The following DOCK5 variants were observed in gnomAD, a reference collection of about 807,000 sequenced individuals.
The protein encoded by DOCK5 is dedicator of cytokinesis 5.
A neutral mutation model predicts 251.8 loss-of-function variants in DOCK5; 142 were observed. That is an observed-to-expected ratio of 0.56 (90% CI 0.49 to 0.65). The LOEUF is 0.65. Among genes scored for constraint, DOCK5 ranks in the 30% least tolerant of loss-of-function variants. DOCK5 has a pLI of 0.00. For synonymous variants in DOCK5, 842 were observed against 835.5 expected (o/e 1.01, Z -0.13); for missense variants, 2,111 against 2,312.3 (o/e 0.91, Z 1.79).
Position 25,368,670 on chromosome 8 carries a change from T to A in DOCK5, c.3383T>A (p.Phe1128Tyr). 1 of 1,613,926 alleles carries A rather than the reference T, an allele frequency of 6.2e-7. No individual in the cohort carries two copies. The highest frequency in any genetic ancestry group is 8.5e-7 in the Non-Finnish European group (1 of 1,179,858). The change falls in exon 33 of 52, where the codon TTC (phenylalanine) becomes TAC (tyrosine). Residue 1128 changes from phenylalanine to tyrosine, a missense_variant. Physicochemically the swap from Phe to Tyr is conservative, Grantham distance 22. Around this residue, in one of 3 missense-constraint regions of DOCK5, gnomAD observed 1,717 missense variants for 1,892.4 expected, o/e 0.91. Coordinates refer to ENST00000276440, the MANE Select transcript of DOCK5 (RefSeq NM_024940.8). ...CTCCGGAAAGCCACAATCCCCATTT[T>A]CTTTGATATGATGCAGTGTGAGTTC... ...VELRKATIPI[F>Y]FDMMQCEFNF... is the part of the protein sequence containing the mutation.
chr8:25,280,625 A>G (rs767668065), intron 5 of DOCK5, among the ~76,000 whole-genome samples: 2 of 152,208 alleles, frequency 1.3e-5, no homozygotes, highest in African/African-American at 2.4e-5. Context: ...CCCTCTGGAC[A>G]ATAGAAGCAC....
chr8:25,241,519 C>G (rs959904008), intron 1 of DOCK5, among the ~76,000 whole-genome samples: 2 of 151,736 alleles, frequency 1.3e-5, no homozygotes, highest in African/African-American at 2.4e-5. Context: ...CTGGAGAGGA[C>G]ATGGAGAAAG....
intron 2 of DOCK5, among the ~76,000 whole-genome samples, chr8:25,244,676 G>A (rs761969145): frequency 9.2e-5 from 14 of 152,230 alleles, no homozygotes; most frequent in Non-Finnish European, 1.5e-4. Context: ...GGTGGGATGG[G>A]ATGACACAGG....
Position 25,290,558 on chromosome 8 carries a change from G to A in DOCK5, c.322-1466G>A, listed in dbSNP as rs540872940. 3.3e-4 allele frequency among the ~76,000 whole-genome samples: 51 copies of A among 152,292 alleles called. 1 individual carries two copies. Among genetic ancestry groups the A allele is most frequent in the Non-Finnish European group, 5.9e-5 (4 of 68,018 alleles). The stretch of plus-strand genomic sequence containing the variant: ...GAAACCAAGATTAACAGTTTAATAT[G>A]TGGATGGTCTAACAATTGGGGAAAT... On this transcript the variant is annotated intron_variant, in intron 5 of 51. Transcript: ENST00000276440.
At chr8:25,270,672 T>G (rs1803883435) in intron 3 of DOCK5, 6 of 454,032 alleles carry the variant, frequency 1.3e-5, no homozygotes, top group Middle Eastern at 3.0e-4. Context: ...ACCAAGGTCC[T>G]AGATCAGGTC....
At chr8:25,256,638 C>CAAAA (rs891243325) in intron 2 of DOCK5, among the ~76,000 whole-genome samples, 7 of 48,852 alleles carry the variant, frequency 1.4e-4, no homozygotes, top group Admixed American at 2.2e-4. Flanking sequence ...ATCTCCATCT[C>CAAAA]AAAAAAAAAA....
At chr8:25,320,811 CT>C (rs1380464036) in intron 15 of DOCK5, among the ~76,000 whole-genome samples, 168 bp from the exon 16 acceptor site, 3 of 152,152 alleles carry the variant, frequency 2.0e-5, no homozygotes, top group African/African-American at 4.8e-5. Flanking sequence ...ATCTGAGATT[CT>C]TTTGATTTGA....
intron 5 of DOCK5, among the ~76,000 whole-genome samples, chr8:25,289,766 C>T (rs543711399): frequency 2.0e-5 from 3 of 151,858 alleles, no homozygotes; most frequent in South Asian, 2.1e-4. Flanking sequence ...CACTTGAACG[C>T]GGGATGGGGA....
At chr8:25,349,138 C>A (rs1800422540) in intron 26 of DOCK5, among the ~76,000 whole-genome samples, 1 of 152,054 alleles carries the variant, frequency 6.6e-6, no homozygotes. Flanking sequence ...GGAGGGTGGA[C>A]CCCAGGTACT....
chr8:25,325,080 A>T (rs1805529101), intron 17 of DOCK5, among the ~76,000 whole-genome samples: 1 of 152,162 alleles, frequency 6.6e-6, no homozygotes, highest in African/African-American at 2.4e-5. Flanking sequence ...GACTGAAGAA[A>T]ATGAAATTTA....
chr8:25,377,164 T>C, intron 37 of DOCK5, 141 bp from the exon 38 acceptor site: 1 of 1,139,090 alleles, frequency 8.8e-7, no homozygotes, highest in East Asian at 2.7e-5. Context: ...CATGTGTATA[T>C]GTGTGTATAT....
intron 1 of DOCK5, among the ~76,000 whole-genome samples, chr8:25,201,505 G>A (rs1289130217): frequency 1.3e-5 from 2 of 152,302 alleles, no homozygotes; most frequent in Non-Finnish European, 2.9e-5. Flanking sequence ...AGGGCAACAG[G>A]TTAAGCTAAC....
At chr8:25,279,813 C>A (rs75369605) in intron 5 of DOCK5, among the ~76,000 whole-genome samples, 11,020 of 150,560 alleles carry the variant, frequency 0.073, 670 homozygotes, top group East Asian at 0.3. Context: ...TTAATAGAGA[C>A]AAGGTTTCAC....
Position 25,389,239 on chromosome 8 carries a change from T to G in DOCK5, c.4273+7T>G, listed in dbSNP as rs1393232996. Reference sequence around the variant, plus strand: ...AAGTCGTCCCCCAAGCAGTGTATCCTTTCCGGGGGGAGTATGGCCCCGAGG... The same window carrying G: ...AAGTCGTCCCCCAAGCAGTGTATCCGTTCCGGGGGGAGTATGGCCCCGAGG... On this transcript the variant is annotated splice_region_variant and intron_variant, in intron 41 of 51. Coordinates refer to ENST00000276440, the MANE Select transcript of DOCK5 (RefSeq NM_024940.8). 2 of 1,611,770 alleles carry G rather than the reference T, an allele frequency of 1.2e-6. No individual in the cohort carries two copies. Among genetic ancestry groups the G allele is most frequent in the East Asian group, 4.5e-5 (2 of 44,802 alleles).
At chr8:25,354,597 A>T (rs1027593605) in intron 27 of DOCK5, among the ~76,000 whole-genome samples, 5 of 152,192 alleles carry the variant, frequency 3.3e-5, no homozygotes, top group African/African-American at 1.2e-4. Flanking sequence ...GGCGGTGCCA[A>T]AAGAAGCAAA....
chr8:25,317,015 C>T lies in DOCK5; in HGVS notation c.1327C>T (p.Arg443Trp). Reference protein sequence around the residue: ...FPEIILPGDVRNDIYVTLIHG... With the variant: ...FPEIILPGDVWNDIYVTLIHG... Reference sequence around the variant, plus strand: ...TGCTTATCATGTTGCAGGAGATGTTCGGAATGACATTTATGTCACCCTGAT... The same window carrying T: ...TGCTTATCATGTTGCAGGAGATGTTTGGAATGACATTTATGTCACCCTGAT... Residue 443 changes from arginine (R) to tryptophan (W), a missense_variant, in exon 14 of 52, where the codon CGG becomes TGG. This residue lies in a region of DOCK5 where 1,717 missense variants were observed against 1,892.4 expected (regional missense o/e 0.91). Coordinates refer to ENST00000276440, the MANE Select transcript of DOCK5 (RefSeq NM_024940.8). 4.3e-6 allele frequency: 7 copies of T among 1,613,672 alleles called. No homozygotes were observed. The highest frequency in any genetic ancestry group is 5.9e-6 in the Non-Finnish European group (7 of 1,179,782).
In DOCK5 at chr8:25,317,226, G is replaced by A. The variant is rs533003306; in HGVS notation, c.1443+95G>A. On this transcript the variant is annotated intron_variant, in intron 14 of 51. Coordinates refer to ENST00000276440, the MANE Select transcript of DOCK5 (RefSeq NM_024940.8). ...GTATTTTAATTCTTCTTTGCATCAG[G>A]ATGGGTTTGATTTTTCCTGAGAAAA... 883 of 1,531,416 alleles carry A rather than the reference G, an allele frequency of 5.8e-4. 2 individuals are homozygous for A. Among genetic ancestry groups the A allele is most frequent in the Middle Eastern group, 5.3e-3 (24 of 4,524 alleles). 94.9% of individuals were successfully genotyped at this position (1,531,416 alleles called of 1,614,324 possible).
intron 6 of DOCK5, among the ~76,000 whole-genome samples, chr8:25,292,496 C>T (rs567711137): frequency 2.8e-4 from 42 of 152,200 alleles, no homozygotes; most frequent in Non-Finnish European, 5.0e-4. Flanking sequence ...CACTTGTAAT[C>T]CCAGTACTTT....
At chr8:25,366,605 A>G (rs1304678528) in intron 30 of DOCK5, among the ~76,000 whole-genome samples, 1 of 152,228 alleles carries the variant, frequency 6.6e-6, no homozygotes. Flanking sequence ...AGTACATACT[A>G]TAAATAGATA....
Sources: gnomAD v4.1 joint callset for allele counts (sites outside exome capture counted in the v4.1 genomes callset) on GRCh38, gnomAD v4.1.1 for gene constraint, gnomAD v4.1.1 regional missense constraint, MANE v1.5 for transcripts, NCBI Gene and HGNC (gene_info 2026-07-23, HGNC 2026-07-21) for gene names.